Variants in MELK observed in about 807,000 individuals in gnomAD.
MELK encodes the protein maternal embryonic leucine zipper kinase, also known as pEg3 kinase.
A neutral mutation model predicts 85.0 loss-of-function variants in MELK; 81 were observed. The observed-to-expected ratio is 0.95, with a 90% confidence interval of 0.80 to 1.15. MELK has a LOEUF of 1.15. Ranked by LOEUF, MELK falls within the 50% of genes most tolerant of loss-of-function variation. MELK has a pLI of 0.00. For synonymous variants in MELK, 252 were observed against 265.0 expected (o/e 0.95, Z 0.48); for missense variants, 754 against 777.5 (o/e 0.97, Z 0.36).
intron 12 of MELK, 25 bp downstream of exon 12, chr9:36,651,902 T>G (rs1448132375): frequency 1.2e-6 from 2 of 1,604,838 alleles, no homozygotes; most frequent in Non-Finnish European, 1.7e-6. Flanking sequence ...CTGTTGTGTC[T>G]TGCCACGTGC....
At chr9:36,599,667 A>G (rs979505935) in intron 7 of MELK, among the ~76,000 whole-genome samples, 181 bp downstream of exon 7, 2 of 152,238 alleles carry the variant, frequency 1.3e-5, no homozygotes, top group African/African-American at 4.8e-5. Flanking sequence ...AATAACTTGC[A>G]ATAAATATAG....
At chr9:36,601,856 A>T (rs927048536) in intron 7 of MELK, among the ~76,000 whole-genome samples, 1 of 152,216 alleles carries the variant, frequency 6.6e-6, no homozygotes, top group East Asian at 1.9e-4. Flanking sequence ...TTCACTTAGC[A>T]TAATGTCCTC....
At chr9:36,613,796 G>A (rs10972996) in intron 8 of MELK, among the ~76,000 whole-genome samples, 5,936 of 152,230 alleles carry the variant, frequency 0.039, 325 homozygotes, top group African/African-American at 0.11. Context: ...GGCCAGTGCA[G>A]CCTGAGTTTA....
At chr9:36,618,463 A>T (rs1827076758) in intron 8 of MELK, among the ~76,000 whole-genome samples, 1 of 152,058 alleles carries the variant, frequency 6.6e-6, no homozygotes, top group African/African-American at 2.4e-5. Context: ...AGCCATATAT[A>T]CTTAAGATTT....
intron 7 of MELK, among the ~76,000 whole-genome samples, chr9:36,600,804 C>T (rs1254598197): frequency 1.3e-5 from 2 of 152,170 alleles, no homozygotes; most frequent in African/African-American, 2.4e-5. Context: ...TGGAGAGCAT[C>T]TTTTGGAACT....
chr9:36,574,580 G>C (rs1194662177), intron 1 of MELK, among the ~76,000 whole-genome samples: 1 of 151,990 alleles, frequency 6.6e-6, no homozygotes, highest in Admixed American at 6.6e-5. Context: ...TCCAGCCTAG[G>C]TGACAGAACG....
At chr9:36,591,538 C>A (rs976507376) in intron 4 of MELK, among the ~76,000 whole-genome samples, 1 of 151,758 alleles carries the variant, frequency 6.6e-6, no homozygotes, top group African/African-American at 2.4e-5. Flanking sequence ...CATGCCACTG[C>A]ACTCCAGCCT....
At chr9:36,662,221 G>A (rs191139054) in intron 13 of MELK, among the ~76,000 whole-genome samples, 28 of 148,852 alleles carry the variant, frequency 1.9e-4, no homozygotes, top group East Asian at 9.8e-4. Flanking sequence ...TTAATTTAAC[G>A]AAATATAAAG....
intron 5 of MELK, 97 bp from the exon 6 acceptor site, chr9:36,597,125 C>A: frequency 1.0e-6 from 1 of 962,304 alleles, no homozygotes; most frequent in Non-Finnish European, 1.6e-6. Context: ...GCATGAGCTG[C>A]CACACCTGGC....
At chr9:36,665,662 CT>C in intron 14 of MELK, 81 bp downstream of exon 14, 1 of 1,021,156 alleles carries the variant, frequency 9.8e-7, no homozygotes, top group South Asian at 2.0e-5. Flanking sequence ...TCAGAAATGA[CT>C]AGCATTGCTT....
chr9:36,605,184 G>GTTCA (rs1228028893), intron 7 of MELK, among the ~76,000 whole-genome samples: 1 of 151,778 alleles, frequency 6.6e-6, no homozygotes, highest in Non-Finnish European at 1.5e-5. Flanking sequence ...CCACCATGTA[G>GTTCA]TTCACTCTTT....
chr9:36,655,503 A>G (rs1239218602), intron 12 of MELK, among the ~76,000 whole-genome samples: 2 of 152,110 alleles, frequency 1.3e-5, no homozygotes, highest in Admixed American at 6.6e-5. Flanking sequence ...GGAAGGGTGG[A>G]CAAGAGCCAG....
At chr9:36,636,753 T>TTTCTTTCTTTC in intron 10 of MELK, among the ~76,000 whole-genome samples, 18 of 104,546 alleles carry the variant, frequency 1.7e-4, no homozygotes, top group African/African-American at 7.4e-4. Context: ...TCTTTCTTTC[T>TTTCTTTCTTTC]TTCTTTCTTT....
At chr9:36,573,325 C>T (rs554884681) in intron 1 of MELK, 1 of 152,214 alleles carries the variant, frequency 6.6e-6, no homozygotes, top group Non-Finnish European at 1.5e-5. Flanking sequence ...TTCCGTGACT[C>T]TTCCCCGCGA....
chr9:36,597,729 C>G (rs546128461), intron 6 of MELK, among the ~76,000 whole-genome samples: 1 of 152,170 alleles, frequency 6.6e-6, no homozygotes, highest in African/African-American at 2.4e-5. Flanking sequence ...AGAAACAATC[C>G]GCTTTCCTTT....
intron 16 of MELK, among the ~76,000 whole-genome samples, chr9:36,672,525 G>A (rs1832976650): frequency 6.6e-6 from 1 of 152,166 alleles, no homozygotes; most frequent in African/African-American, 2.4e-5. Context: ...GGTGTTAGTT[G>A]GCTTTCTAGG....
At chr9:36,589,920 G>GTT (rs566073692) in intron 4 of MELK, among the ~76,000 whole-genome samples, 17,013 of 125,674 alleles carry the variant, frequency 0.14, 1,629 homozygotes, top group African/African-American at 0.24. Flanking sequence ...ACTCATTCTA[G>GTT]TTTTTTTTTT....
At chr9:36,655,028 G>T (rs970506528) in intron 12 of MELK, among the ~76,000 whole-genome samples, 1 of 152,090 alleles carries the variant, frequency 6.6e-6, no homozygotes, top group Admixed American at 6.6e-5. Context: ...TCAATCAATA[G>T]GTGGCCCTTT....
chr9:36,626,981 AG>A (rs1827993401), intron 8 of MELK, among the ~76,000 whole-genome samples: 1 of 150,150 alleles, frequency 6.7e-6, no homozygotes, highest in Non-Finnish European at 1.5e-5. Flanking sequence ...AAAAAAAAAA[AG>A]AAAAGAAGTA....
Sources: allele counts gnomAD v4.1 joint callset (sites outside exome capture counted in the v4.1 genomes callset), GRCh38; gene constraint gnomAD v4.1.1; transcripts MANE v1.5; gene names NCBI Gene and HGNC (gene_info 2026-07-23, HGNC 2026-07-21).